Variants in ST6GALNAC3 observed in about 807,000 individuals in gnomAD.
ST6GALNAC3 encodes the protein ST6 N-acetylgalactosaminide alpha-2,6-sialyltransferase 3.
A neutral mutation model predicts 32.7 loss-of-function variants in ST6GALNAC3; 25 were observed. The ratio of observed to expected loss-of-function variants is 0.76; its 90% CI spans 0.56 to 1.07. The LOEUF is 1.07. Among genes scored for constraint, ST6GALNAC3 ranks in the 50% least tolerant of loss-of-function variants. The probability of loss-of-function intolerance (pLI) is 0.00; values close to 1 mark genes in which losing one functional copy is unlikely to be tolerated. For missense variants in ST6GALNAC3, 355 were observed against 382.4 expected (o/e 0.93, Z 0.60); for synonymous variants, 129 against 133.1 (o/e 0.97, Z 0.21).
intron 3 of ST6GALNAC3, among the ~76,000 whole-genome samples, chr1:76,563,865 CT>C (rs1168999416): frequency 6.6e-6 from 1 of 152,186 alleles, no homozygotes; most frequent in East Asian, 1.9e-4. Context: ...TCTAAAGCTA[CT>C]TTGGCTAATA....
chr1:76,609,521 A>G (rs947288600), intron 3 of ST6GALNAC3, among the ~76,000 whole-genome samples: 21 of 152,168 alleles, frequency 1.4e-4, no homozygotes, highest in African/African-American at 4.8e-4. Flanking sequence ...TTCTTCTTTA[A>G]ATGGCTAATA....
At chr1:76,258,813 C>G (rs1450930448) in intron 1 of ST6GALNAC3, among the ~76,000 whole-genome samples, 1 of 152,116 alleles carries the variant, frequency 6.6e-6, no homozygotes, top group Non-Finnish European at 1.5e-5. Context: ...ATACTACATA[C>G]AGAATGCATC....
chr1:76,446,817 A>G (rs948188200), intron 3 of ST6GALNAC3, among the ~76,000 whole-genome samples: 1 of 152,096 alleles, frequency 6.6e-6, no homozygotes, highest in Admixed American at 6.5e-5. Context: ...CTTGCCTTCC[A>G]CCATGATTGT....
In ST6GALNAC3 at chr1:76,569,297, G is replaced by A. The variant is rs571489420; in HGVS notation, c.624-58155G>A. 3.9e-5 allele frequency among the ~76,000 whole-genome samples: 6 copies of A among 152,190 alleles called. No individual in the cohort carries two copies. In the South Asian group the frequency reaches 1.2e-3, roughly 32 times the overall value. On this transcript the variant is annotated intron_variant, in intron 3 of 4. Coordinates refer to ENST00000328299, the MANE Select transcript of ST6GALNAC3 (RefSeq NM_152996.4). ...TACAAAATACGTTCAGTAAATTCAA[G>A]GAGGAGAAAACATTCCAGTCTGAAA...
At chr1:76,157,643 C>G (rs1305715396) in intron 1 of ST6GALNAC3, among the ~76,000 whole-genome samples, 1 of 152,142 alleles carries the variant, frequency 6.6e-6, no homozygotes, top group Non-Finnish European at 1.5e-5. Context: ...ACCCTGACTG[C>G]CTAAATGATT....
At chr1:76,245,530 G>A (rs1021908380) in intron 1 of ST6GALNAC3, among the ~76,000 whole-genome samples, 6 of 151,884 alleles carry the variant, frequency 4.0e-5, no homozygotes, top group African/African-American at 1.4e-4. Flanking sequence ...TTAGGGTATA[G>A]CTTTGAGGCC....
chr1:76,620,787 T>C lies in ST6GALNAC3; in HGVS notation c.624-6665T>C, dbSNP rs147667798. ...ATTTGGGGGAACAAAATTCAGCCCA[T>C]AGCATCCACCCATATTGAGTGGTTA... On this transcript the variant is annotated intron_variant, in intron 3 of 4. Transcript: ENST00000328299. Among the ~76,000 whole-genome samples, 11 of 152,104 alleles carry C rather than the reference T, an allele frequency of 7.2e-5. No homozygotes were observed. In the East Asian group the frequency reaches 2.1e-3, roughly 29 times the overall value.
chr1:76,142,891 T>C (rs1213121103), intron 1 of ST6GALNAC3: 1 of 455,392 alleles, frequency 2.2e-6, no homozygotes, highest in Non-Finnish European at 4.4e-6. Flanking sequence ...ATTGGGTCAA[T>C]TCACATGGAG....
In ST6GALNAC3 at chr1:76,509,231, A is replaced by C. The variant is rs1557506226; in HGVS notation, c.623+96814A>C. On this transcript the variant is annotated intron_variant, in intron 3 of 4. Transcript: ENST00000328299. This position sits in a 1 kb window ranked among gnomAD's most constrained non-coding sequence, Gnocchi z 5.5. ...ACAGGCAAACAAACAGGAAAACACA[A>C]ATTGGAAGATAAATAAAAGGGGCAG... Among the ~76,000 whole-genome samples the C allele has an allele frequency of 1.3e-5, 2 of 152,186 alleles. No individual in the cohort carries two copies. Among genetic ancestry groups the C allele is most frequent in the South Asian group, 4.1e-4 (2 of 4,828 alleles).
At chr1:76,356,642 G>A (rs1204079294) in intron 2 of ST6GALNAC3, among the ~76,000 whole-genome samples, 3 of 152,108 alleles carry the variant, frequency 2.0e-5, no homozygotes, top group African/African-American at 7.2e-5. Flanking sequence ...GGATGATAAT[G>A]AAAGTTAACT....
intron 3 of ST6GALNAC3, among the ~76,000 whole-genome samples, chr1:76,530,052 T>TATAA (rs1205132829): frequency 1.3e-5 from 2 of 152,236 alleles, no homozygotes; most frequent in Non-Finnish European, 1.5e-5. Context: ...AGGATTCATG[T>TATAA]ATAACTTTTA....
chr1:76,074,972 C>T (rs1340303395), intron 1 of ST6GALNAC3, 88 bp downstream of exon 1: 10 of 1,489,196 alleles, frequency 6.7e-6, no homozygotes, highest in Non-Finnish European at 9.1e-6. Flanking sequence ...CCCACCGCAT[C>T]CTCATCTCAG....
chr1:76,482,631 G>A (rs1659797993), intron 3 of ST6GALNAC3, among the ~76,000 whole-genome samples: 1 of 152,134 alleles, frequency 6.6e-6, no homozygotes, highest in Admixed American at 6.6e-5. Flanking sequence ...TGAGGAAACT[G>A]AGGTTCAGAG....
At chr1:76,209,963 G>T (rs1655047692) in intron 1 of ST6GALNAC3, among the ~76,000 whole-genome samples, 1 of 152,098 alleles carries the variant, frequency 6.6e-6, no homozygotes, top group Non-Finnish European at 1.5e-5. Context: ...TGTCTCCAGG[G>T]GCTCCAACCA....
chr1:76,194,453 C>G (rs573921646), intron 1 of ST6GALNAC3, among the ~76,000 whole-genome samples: 2 of 151,832 alleles, frequency 1.3e-5, no homozygotes, highest in Non-Finnish European at 2.9e-5. Flanking sequence ...GAAATTAAAA[C>G]TAGAAATATT....
intron 1 of ST6GALNAC3, among the ~76,000 whole-genome samples, chr1:76,170,627 C>T (rs1347107618): frequency 6.6e-6 from 1 of 152,094 alleles, no homozygotes; most frequent in Non-Finnish European, 1.5e-5. Context: ...TGTGGTTTGC[C>T]CAGTACATGG....
At chr1:76,174,174 A>G (rs2100432587) in intron 1 of ST6GALNAC3, among the ~76,000 whole-genome samples, 1 of 152,314 alleles carries the variant, frequency 6.6e-6, no homozygotes. Context: ...AAATGAGATT[A>G]TGTCCTTTGC....
intron 1 of ST6GALNAC3, among the ~76,000 whole-genome samples, chr1:76,197,445 C>G (rs1239646107): frequency 6.6e-6 from 1 of 150,906 alleles, no homozygotes; most frequent in Admixed American, 6.6e-5. Flanking sequence ...AAGGGAAGGG[C>G]AGGAAGATAA....
At position 76,455,323 on chromosome 1, in the gene ST6GALNAC3, T is replaced by G. The variant is rs534004166; in HGVS notation, c.623+42906T>G. 4.6e-5 allele frequency among the ~76,000 whole-genome samples: 7 copies of G among 152,318 alleles called. 1 individual carries two copies. Among genetic ancestry groups the G allele is most frequent in the African/African-American group, 1.7e-4 (7 of 41,568 alleles). On this transcript the variant is annotated intron_variant, in intron 3 of 4. Transcript: ENST00000328299. ...AGTTTCCCTCAATTTATGATCATCT[T>G]CTGCTGCTGATTCATATTTAAGAAT... is the stretch of plus-strand genomic sequence containing the variant.
Sources: allele counts gnomAD v4.1 joint callset (sites outside exome capture counted in the v4.1 genomes callset), GRCh38; gene constraint gnomAD v4.1.1; non-coding constraint Gnocchi (gnomAD v3.1); transcripts MANE v1.5; gene names NCBI Gene and HGNC (gene_info 2026-07-23, HGNC 2026-07-21).